Variants in NRXN1 observed in about 807,000 individuals in gnomAD.
NRXN1 encodes neurexin-1.
NRXN1 carries 39 observed loss-of-function variants against 150.9 expected under a neutral mutation model. The ratio of observed to expected loss-of-function variants is 0.26; its 90% confidence interval spans 0.20 to 0.34. The LOEUF (loss-of-function observed/expected upper bound fraction) is 0.34, where lower values mean the gene tolerates loss of function less well. Among genes scored for constraint, NRXN1 ranks in the 10% least tolerant of loss-of-function variants. NRXN1 has a pLI of 1.00. For missense variants in NRXN1, 1,815 were observed against 1,949.9 expected (o/e 0.93, Z 1.30); for synonymous variants, 924 against 757.0 (o/e 1.22, Z -3.62).
intron 5 of NRXN1, among the ~76,000 whole-genome samples, chr2:50,756,013 G>A (rs1230801091): frequency 6.6e-6 from 1 of 151,800 alleles, no homozygotes; most frequent in African/African-American, 2.4e-5. Context: ...AACAGGAGTA[G>A]GATGGCCAAG....
At chr2:49,946,703 G>C (rs1033586344) in intron 21 of NRXN1, among the ~76,000 whole-genome samples, 4 of 151,774 alleles carry the variant, frequency 2.6e-5, no homozygotes, top group African/African-American at 9.7e-5. Context: ...CAAAGAACTA[G>C]AAAAAACTAC....
chr2:50,053,421 C>A lies in NRXN1; in HGVS notation c.3978G>T (p.Leu1326=), dbSNP rs766914502. Residue 1326 remains leucine (L), a synonymous_variant, in exon 21 of 23, where the codon CTG becomes CTT. Coordinates refer to ENST00000401669, the MANE Select transcript of NRXN1 (RefSeq NM_001330078.2). ...TCATAGAGGAAGGCACTTCACCAAC[C>A]AGTCTCACATTTCCCACTATGGCGA... ...ANIAIVGNVR[L]VGEVPSSMTT... 5 of 1,613,884 alleles carry A rather than the reference C, an allele frequency of 3.1e-6. No individual in the cohort carries two copies. The highest frequency in any genetic ancestry group is 3.4e-6 in the Non-Finnish European group (4 of 1,179,930).
At chr2:50,526,654 C>T (rs1052103690) in intron 12 of NRXN1, 1 of 152,108 alleles carries the variant, frequency 6.6e-6, no homozygotes. Flanking sequence ...TCTTACTACA[C>T]CTGCTCCCTA....
intron 21 of NRXN1, among the ~76,000 whole-genome samples, chr2:50,019,613 G>T (rs1467295636): frequency 1.0e-5 from 1 of 99,294 alleles, no homozygotes; most frequent in Non-Finnish European, 1.9e-5. Flanking sequence ...TTGCACTCCA[G>T]CCTGTAAGAA....
At chr2:50,029,651 G>A (rs948649162) in intron 21 of NRXN1, among the ~76,000 whole-genome samples, 2 of 152,096 alleles carry the variant, frequency 1.3e-5, no homozygotes. Context: ...CTACTTTACT[G>A]GCATCTTGAT....
At chr2:49,975,465 G>C (rs1464383072) in intron 21 of NRXN1, among the ~76,000 whole-genome samples, 2 of 152,104 alleles carry the variant, frequency 1.3e-5, no homozygotes, top group African/African-American at 4.8e-5. Context: ...AAATTCCAAA[G>C]CTCAATTTGT....
At chr2:50,316,082 C>G (rs1203218430) in intron 17 of NRXN1, among the ~76,000 whole-genome samples, 1 of 151,978 alleles carries the variant, frequency 6.6e-6, no homozygotes, top group Non-Finnish European at 1.5e-5. Context: ...AGAAACAGAG[C>G]CTTCTTCTAG....
intron 8 of NRXN1, among the ~76,000 whole-genome samples, chr2:50,611,573 T>C (rs2104093086): frequency 6.6e-6 from 1 of 152,316 alleles, no homozygotes; most frequent in Non-Finnish European, 1.5e-5. Flanking sequence ...CAATTGTTTA[T>C]TTCCCTTGCC....
intron 18 of NRXN1, among the ~76,000 whole-genome samples, chr2:50,181,331 G>A (rs1191764494): frequency 6.6e-6 from 1 of 151,786 alleles, no homozygotes; most frequent in African/African-American, 2.4e-5. Context: ...AAAATACCCT[G>A]TTTATTAATT....
At chr2:50,146,563 C>A (rs1708035911) in intron 18 of NRXN1, among the ~76,000 whole-genome samples, 1 of 151,318 alleles carries the variant, frequency 6.6e-6, no homozygotes, top group Non-Finnish European at 1.5e-5. Flanking sequence ...TTTGCCACTA[C>A]CCAAGGATGC....
chr2:50,609,454 A>G (rs907339720), intron 8 of NRXN1, among the ~76,000 whole-genome samples: 4 of 152,112 alleles, frequency 2.6e-5, no homozygotes, highest in African/African-American at 7.2e-5. Context: ...ATATTAATAG[A>G]GTATTAATAA....
chr2:50,748,186 T>C (rs1700214824), intron 5 of NRXN1, among the ~76,000 whole-genome samples: 1 of 152,166 alleles, frequency 6.6e-6, no homozygotes, highest in African/African-American at 2.4e-5. Flanking sequence ...GACTGCTGAA[T>C]GTTTCTCTGA....
At position 50,567,201 on chromosome 2, in the gene NRXN1, G is replaced by C. The variant is rs568923692; in HGVS notation, c.1321-14176C>G. 2.3e-4 allele frequency among the ~76,000 whole-genome samples: 35 copies of C among 152,262 alleles called. 1 individual carries two copies. In the South Asian group the frequency reaches 5.0e-3, roughly 22 times the overall value. On this transcript the variant is annotated intron_variant, in intron 8 of 22. Transcript: ENST00000401669. The stretch of plus-strand genomic sequence containing the variant: ...GTTTTGAATGTTAAGAATTCTTTAA[G>C]ATTTTCTAAGTTGCCTTGTAACTGG...
chr2:50,556,779 G>A (rs986537453), intron 8 of NRXN1, among the ~76,000 whole-genome samples: 1 of 152,090 alleles, frequency 6.6e-6, no homozygotes, highest in Non-Finnish European at 1.5e-5. Context: ...TAGGAGCTTA[G>A]TAGTCTGCAT....
At chr2:50,996,092 T>C (rs1328545314) in intron 2 of NRXN1, among the ~76,000 whole-genome samples, 1 of 152,192 alleles carries the variant, frequency 6.6e-6, no homozygotes, top group African/African-American at 2.4e-5. Flanking sequence ...TGCAAGGAGA[T>C]ATGTTGGAAA....
intron 21 of NRXN1, among the ~76,000 whole-genome samples, chr2:50,036,054 A>C (rs571422949): frequency 8.5e-5 from 13 of 152,158 alleles, no homozygotes; most frequent in Non-Finnish European, 1.6e-4. Flanking sequence ...GAAAATGCGC[A>C]GAATAGAAAT....
chr2:50,207,561 G>T (rs2062701181), intron 18 of NRXN1: 1 of 161,714 alleles, frequency 6.2e-6, no homozygotes. Context: ...GAAGGTTGCA[G>T]ATGTTAGATA....
At chr2:50,319,654 G>GA (rs1189442287) in intron 17 of NRXN1, among the ~76,000 whole-genome samples, 1 of 152,056 alleles carries the variant, frequency 6.6e-6, no homozygotes, top group African/African-American at 2.4e-5. Flanking sequence ...CCTGTGTGGA[G>GA]AAAACTATCA....
chr2:50,578,594 CAT>C (rs1323037126), intron 8 of NRXN1, among the ~76,000 whole-genome samples: 2 of 152,104 alleles, frequency 1.3e-5, no homozygotes, highest in African/African-American at 4.8e-5. Context: ...CTTTTATACT[CAT>C]GTGAATGTGT....
Sources: allele counts gnomAD v4.1 joint callset (sites outside exome capture counted in the v4.1 genomes callset), GRCh38; gene constraint gnomAD v4.1.1; transcripts MANE v1.5; gene names NCBI Gene and HGNC (gene_info 2026-07-23, HGNC 2026-07-21).